BRINP3: variants seen among roughly 807,000 people sequenced by gnomAD.
The protein encoded by BRINP3 is BMP/retinoic acid inducible neural specific 3.
A neutral mutation model predicts 71.0 loss-of-function variants in BRINP3; 19 were observed. That is an observed-to-expected ratio of 0.27 (90% CI 0.19 to 0.39). The LOEUF (loss-of-function observed/expected upper bound fraction) is 0.39. Ranked by LOEUF, BRINP3 falls within the 10% of genes least tolerant of loss-of-function variation. The probability of loss-of-function intolerance (pLI) is 1.00; values close to 1 mark genes in which losing one functional copy is unlikely to be tolerated. For synonymous variants in BRINP3, 380 were observed against 337.7 expected, an observed-to-expected ratio of 1.13 and a Z score of -1.37; for missense variants, 959 against 940.8, an observed-to-expected ratio of 1.02 and a Z score of -0.25.
At position 190,251,054 on chromosome 1, in the gene BRINP3, AAATAAT is replaced by A. The variant is rs1201802840; in HGVS notation, c.618+13805_618+13810del. Among the ~76,000 whole-genome samples the A allele has an allele frequency of 4.6e-5, 7 of 151,686 alleles. No individual in the cohort carries two copies. The East Asian group carries it at 1.4e-3, about 29-fold the overall frequency. ...AAACACACTGAGACCCCATCTCTAT[AAATAAT>A]AATAACAACAACAATAATAATAATA... On this transcript the variant is annotated intron_variant, in intron 4 of 7. Transcript: ENST00000367462.
At chr1:190,421,671 A>G (rs1673396080) in intron 2 of BRINP3, among the ~76,000 whole-genome samples, 1 of 151,744 alleles carries the variant, frequency 6.6e-6, no homozygotes, top group Non-Finnish European at 1.5e-5. Flanking sequence ...TTGCTATGTG[A>G]TAGATAGATT....
At chr1:190,315,298 A>C (rs1278768961) in intron 2 of BRINP3, among the ~76,000 whole-genome samples, 1 of 152,144 alleles carries the variant, frequency 6.6e-6, no homozygotes, top group Non-Finnish European at 1.5e-5. Flanking sequence ...CCAGAGTCCA[A>C]ATTAAAATAA....
At chr1:190,335,391 A>G (rs892586728) in intron 2 of BRINP3, among the ~76,000 whole-genome samples, 2 of 151,910 alleles carry the variant, frequency 1.3e-5, no homozygotes, top group African/African-American at 4.8e-5. Context: ...TTGAAGTCAT[A>G]AATAATAGGA....
chr1:190,328,726 A>C (rs1429575857), intron 2 of BRINP3, among the ~76,000 whole-genome samples: 1 of 151,794 alleles, frequency 6.6e-6, no homozygotes, highest in Admixed American at 6.6e-5. Context: ...ATGAAGAAAA[A>C]AAAAAAAAAA....
chr1:190,300,986 G>A (rs1024390832), intron 2 of BRINP3, among the ~76,000 whole-genome samples: 7 of 151,640 alleles, frequency 4.6e-5, no homozygotes, highest in South Asian at 2.1e-4. Context: ...TCTGAGCTAC[G>A]GGAGGACATT....
rs115028024 is a variant in BRINP3 at position 190,314,657 on chromosome 1, A to G, written c.237-32907T>C. ...TCCAGAAGGAATTCAGCACTGACATATTGATTTTAGCCCAGTGAGCCTCCT... is the reference window on the plus strand; with the variant it reads ...TCCAGAAGGAATTCAGCACTGACATGTTGATTTTAGCCCAGTGAGCCTCCT... On this transcript the variant is annotated intron_variant, in intron 2 of 7. Coordinates refer to ENST00000367462, the MANE Select transcript of BRINP3 (RefSeq NM_199051.3). Among the ~76,000 whole-genome samples the G allele has an allele frequency of 8.4e-3, 1,284 of 152,248 alleles. 20 individuals are homozygous for G. The highest frequency in any genetic ancestry group is 0.029 in the African/African-American group (1,195 of 41,550).
At chr1:190,118,498 A>C (rs192676747) in intron 7 of BRINP3, among the ~76,000 whole-genome samples, 58 of 152,318 alleles carry the variant, frequency 3.8e-4, no homozygotes, top group Admixed American at 3.3e-3. Context: ...CGCCTTTATT[A>C]ACTCACGTCT....
At chr1:190,159,276 T>C (rs147769706) in intron 7 of BRINP3, among the ~76,000 whole-genome samples, 4,150 of 152,172 alleles carry the variant, frequency 0.027, 95 homozygotes, top group Middle Eastern at 0.041. Context: ...GGTGAAAATA[T>C]AAAATGGTGC....
rs549207289 is a variant in BRINP3 at position 190,134,458 on chromosome 1, T to C, written c.1184+26210A>G. Among the ~76,000 whole-genome samples the C allele has an allele frequency of 2.4e-4, 36 of 150,410 alleles. 2 individuals carry two copies. The South Asian group carries it at 7.1e-3, about 29-fold the overall frequency. Reference sequence around the variant, plus strand: ...GTAGAAAAAAATAGGTTTTACAAAATAAACATCATAACTGCTGTGTGGAGA... The same window carrying C: ...GTAGAAAAAAATAGGTTTTACAAAACAAACATCATAACTGCTGTGTGGAGA... On this transcript the variant is annotated intron_variant, in intron 7 of 7. Coordinates refer to ENST00000367462, the MANE Select transcript of BRINP3 (RefSeq NM_199051.3).
At chr1:190,376,940 T>G (rs926126624) in intron 2 of BRINP3, among the ~76,000 whole-genome samples, 1 of 152,024 alleles carries the variant, frequency 6.6e-6, no homozygotes, top group Non-Finnish European at 1.5e-5. Flanking sequence ...CCAGTAAATT[T>G]TTTTGCAATT....
intron 2 of BRINP3, among the ~76,000 whole-genome samples, chr1:190,385,081 A>AT (rs1177794466): frequency 1.3e-5 from 2 of 152,082 alleles, no homozygotes; most frequent in Non-Finnish European, 2.9e-5. Flanking sequence ...AGATGGATTG[A>AT]TTTTTTAGGT....
Position 190,163,018 on chromosome 1 carries a change from G to A in BRINP3, c.962-2128C>T, listed in dbSNP as rs139660664. Among the ~76,000 whole-genome samples, 23 of 152,160 alleles carry A rather than the reference G, an allele frequency of 1.5e-4. No homozygotes were observed. In the East Asian group the frequency reaches 3.1e-3, roughly 21 times the overall value. The stretch of plus-strand genomic sequence containing the variant: ...CTAATGATGTGCAATATTTTCAGAT[G>A]TTAAAACTAACATCTTCAGTATCTG... On this transcript the variant is annotated intron_variant, in intron 6 of 7. Coordinates refer to ENST00000367462, the MANE Select transcript of BRINP3 (RefSeq NM_199051.3).
At chr1:190,224,078 C>T (rs571601305) in intron 6 of BRINP3, among the ~76,000 whole-genome samples, 25 of 151,638 alleles carry the variant, frequency 1.6e-4, no homozygotes, top group Middle Eastern at 3.4e-3. Context: ...AAGCAATTTA[C>T]GGATTCAGCA....
chr1:190,365,882 T>C (rs1669468996), intron 2 of BRINP3, among the ~76,000 whole-genome samples: 1 of 147,334 alleles, frequency 6.8e-6, no homozygotes, highest in African/African-American at 2.5e-5. Flanking sequence ...ATTTGAGAGA[T>C]AAGAAAAAAT....
chr1:190,357,069 T>C (rs2102085310), intron 2 of BRINP3, among the ~76,000 whole-genome samples: 1 of 152,092 alleles, frequency 6.6e-6, no homozygotes, highest in African/African-American at 2.4e-5. Flanking sequence ...CCCCCATTTC[T>C]TTTTCTTCCT....
chr1:190,255,832 G>A (rs1431714148), intron 4 of BRINP3, among the ~76,000 whole-genome samples: 1 of 151,980 alleles, frequency 6.6e-6, no homozygotes, highest in African/African-American at 2.4e-5. Context: ...GCTTTTGAAT[G>A]TGCTTGCTCT....
At chr1:190,360,342 A>G (rs1669057932) in intron 2 of BRINP3, among the ~76,000 whole-genome samples, 1 of 152,142 alleles carries the variant, frequency 6.6e-6, no homozygotes, top group African/African-American at 2.4e-5. Flanking sequence ...ATACTAGAAA[A>G]GCATGTAGGA....
intron 2 of BRINP3, among the ~76,000 whole-genome samples, chr1:190,285,851 C>A (rs1663384423): frequency 1.3e-5 from 2 of 151,832 alleles, no homozygotes; most frequent in African/African-American, 4.8e-5. Flanking sequence ...GATGTAATTA[C>A]CATAATGAGA....
chr1:190,203,733 A>G (rs569270501), intron 6 of BRINP3, among the ~76,000 whole-genome samples: 107 of 116,722 alleles, frequency 9.2e-4, no homozygotes, highest in African/African-American at 3.2e-3. Flanking sequence ...AGCAGAAAGC[A>G]AGATATCACT....
Sources: allele counts gnomAD v4.1 joint callset (sites outside exome capture counted in the v4.1 genomes callset), GRCh38; gene constraint gnomAD v4.1.1; transcripts MANE v1.5; gene names NCBI Gene and HGNC (gene_info 2026-07-23, HGNC 2026-07-21).